Variants in NCSTN observed in about 807,000 individuals in gnomAD.
NCSTN encodes nicastrin.
Under a neutral mutation model 87.0 loss-of-function variants are expected in NCSTN, and 22 were observed. That is an observed-to-expected ratio of 0.25 (90% confidence interval 0.18 to 0.36). NCSTN has a LOEUF of 0.36. NCSTN is among the 10% of genes least tolerant of loss of function. The pLI is 1.00. For synonymous variants in NCSTN, 306 were observed against 327.1 expected (o/e 0.94, Z 0.69); for missense variants, 693 against 883.3 (o/e 0.78, Z 2.73).
chr1:160,350,123 A>G lies in NCSTN; in HGVS notation c.455A>G (p.Tyr152Cys), dbSNP rs200491593. The G allele has an allele frequency of 2.2e-5, 35 of 1,613,844 alleles. No homozygotes were observed. Among genetic ancestry groups the G allele is most frequent in the South Asian group, 5.5e-5 (5 of 91,080 alleles). The stretch of plus-strand genomic sequence containing the variant: ...CCTTCAGGTGTTTACTCCAATTCCT[A>G]TGGGCCAGAGTTTGCTCACTGCAGA... ...NDGFGVYSNSYGPEFAHCREI... is the reference protein window; with the variant it reads ...NDGFGVYSNSCGPEFAHCREI... The change falls in exon 5 of 17, where the codon TAT (tyrosine) becomes TGT (cysteine). Residue 152 changes from tyrosine (Y) to cysteine (C), a missense_variant. Around this residue, in one of 4 missense-constraint regions of NCSTN, gnomAD observed 235 missense variants for 233.9 expected, o/e 1.00. Coordinates refer to ENST00000294785, the MANE Select transcript of NCSTN (RefSeq NM_015331.3).
chr1:160,350,354 A>G, intron 5 of NCSTN, 104 bp downstream of exon 5: 2 of 1,327,880 alleles, frequency 1.5e-6, no homozygotes, highest in Non-Finnish European at 2.1e-6. Flanking sequence ...CGGGAGGCTG[A>G]GACAGGAGGA....
At chr1:160,354,392 C>A (rs964677029) in intron 11 of NCSTN, 102 bp downstream of exon 11, 5 of 1,271,090 alleles carry the variant, frequency 3.9e-6, no homozygotes, top group Non-Finnish European at 5.7e-6. Flanking sequence ...ACTACCCCCT[C>A]CAGAACTTCA....
chr1:160,351,887 A>C (rs1348494904), intron 7 of NCSTN, 82 bp downstream of exon 7: 1 of 1,480,688 alleles, frequency 6.8e-7, no homozygotes. Flanking sequence ...TCAGATTTCA[A>C]AGTTGCTAAA....
intron 5 of NCSTN, 32 bp from the exon 6 acceptor site, chr1:160,351,190 G>C (rs200767257): frequency 1.2e-6 from 2 of 1,613,662 alleles, no homozygotes; most frequent in South Asian, 2.2e-5. Context: ...CCACAAACTA[G>C]CTGTCTCAGT....
intron 10 of NCSTN, chr1:160,353,771 C>T (rs772782469): frequency 8.4e-5 from 79 of 942,604 alleles, no homozygotes; most frequent in African/African-American, 1.4e-4. Flanking sequence ...GCATTCAGCA[C>T]GCAGTTTTCT....
In NCSTN at chr1:160,358,604, C is replaced by T. The variant is rs1649250727; in HGVS notation, c.*333C>T. 2.6e-6 allele frequency: 1 copy of T among 379,750 alleles called. No individual in the cohort carries two copies. The highest frequency in any genetic ancestry group is 5.1e-6 in the Non-Finnish European group (1 of 197,528). The allele number at this position is 379,750 out of a possible 1,614,324, so 23.5% of individuals were successfully genotyped here. Reference sequence around the variant, plus strand: ...TTCAGGACCCTTCTACTTTTTCCTTCCTGCCCTGTACCTCTCTCTGCTCCT... The same window carrying T: ...TTCAGGACCCTTCTACTTTTTCCTTTCTGCCCTGTACCTCTCTCTGCTCCT... On this transcript the variant is annotated 3_prime_UTR_variant, in exon 17 of 17. Transcript: ENST00000294785.
chr1:160,357,301 T>A (rs777292540), intron 16 of NCSTN, 48 bp downstream of exon 16: 1 of 1,520,616 alleles, frequency 6.6e-7, no homozygotes, highest in Admixed American at 1.9e-5. Flanking sequence ...TTGACTTCTT[T>A]CTCTGCTTTC....
In NCSTN at chr1:160,349,123, G is replaced by GTAA. The variant is rs1180664508; in HGVS notation, c.314+2_314+4dup. On this transcript the variant is annotated splice_donor_variant, in intron 3 of 16. Coordinates refer to ENST00000294785, the MANE Select transcript of NCSTN (RefSeq NM_015331.3). LOFTEE classifies it high-confidence loss of function. ...TGCTGGAGAGCAAGCATTTTACCAG[G>GTAA]TAAGAACTAGATGTATCTGCTGGGA... The GTAA allele has an allele frequency of 3.7e-6, 6 of 1,614,000 alleles. No homozygotes were observed. Among genetic ancestry groups the GTAA allele is most frequent in the Non-Finnish European group, 5.1e-6 (6 of 1,180,010 alleles).
chr1:160,345,886 C>G (rs1648455466), intron 2 of NCSTN, among the ~76,000 whole-genome samples: 1 of 123,516 alleles, frequency 8.1e-6, no homozygotes. Flanking sequence ...TTGCAGTGAG[C>G]TGAGATTGTG....
chr1:160,351,603 C>CGTTTT, intron 6 of NCSTN, 93 bp from the exon 7 acceptor site: 1 of 1,314,104 alleles, frequency 7.6e-7, no homozygotes, highest in Admixed American at 1.7e-5. Context: ...GACTTAGAGT[C>CGTTTT]CGTGGGGCAC....
intron 13 of NCSTN, 130 bp from the exon 14 acceptor site, chr1:160,356,130 C>T (rs1649118417): frequency 7.8e-6 from 8 of 1,020,372 alleles, no homozygotes; most frequent in East Asian, 2.5e-5. Context: ...TATGAGCCAG[C>T]TACTGTCTCC....
In NCSTN at chr1:160,346,528, A is replaced by G. The variant is rs149831768; in HGVS notation, c.190+1702A>G. ...AGCTATAGTATCTGTTAATTGTCCC[A>G]TGTCCCTGCTATACAAAGCACTGGG... On this transcript the variant is annotated intron_variant, in intron 2 of 16. Coordinates refer to ENST00000294785, the MANE Select transcript of NCSTN (RefSeq NM_015331.3). 4.1e-4 allele frequency among the ~76,000 whole-genome samples: 62 copies of G among 152,070 alleles called. 1 individual carries two copies. Among genetic ancestry groups the G allele is most frequent in the African/African-American group, 1.4e-3 (60 of 41,476 alleles).
chr1:160,345,458 G>A (rs979141155), intron 2 of NCSTN, among the ~76,000 whole-genome samples: 1 of 152,046 alleles, frequency 6.6e-6, no homozygotes, highest in Admixed American at 6.5e-5. Flanking sequence ...CTCCCAAAAT[G>A]CTGGGATTAC....
In NCSTN at chr1:160,354,233, G is replaced by C. The variant is rs754828441; in HGVS notation, c.1295G>C (p.Arg432Pro). ...LPPSSLQRFL[R>P]ARNISGVVLA... is the part of the protein sequence containing the mutation. The stretch of plus-strand genomic sequence containing the variant: ...CCATCTTCCCTGCAGCGATTTCTTC[G>C]AGCTCGAAACATCTCTGGCGTTGTT... Residue 432 changes from arginine (R) to proline (P), a missense_variant, in exon 11 of 17, where the codon CGA becomes CCA. By Grantham distance (103) the Arg-to-Pro change is moderately radical. Coordinates refer to ENST00000294785, the MANE Select transcript of NCSTN (RefSeq NM_015331.3). The C allele has an allele frequency of 1.2e-6, 2 of 1,613,950 alleles. No individual in the cohort carries two copies. Among genetic ancestry groups the C allele is most frequent in the Non-Finnish European group, 1.7e-6 (2 of 1,180,032 alleles).
At chr1:160,348,331 G>A (rs1211962402) in intron 2 of NCSTN, among the ~76,000 whole-genome samples, 1 of 152,198 alleles carries the variant, frequency 6.6e-6, no homozygotes, top group African/African-American at 2.4e-5. Context: ...AGAGAAATGG[G>A]TGATATTTTC....
intron 2 of NCSTN, among the ~76,000 whole-genome samples, chr1:160,348,064 G>A (rs1330358233): frequency 1.3e-5 from 2 of 152,230 alleles, no homozygotes; most frequent in African/African-American, 4.8e-5. Context: ...TATACAGCCA[G>A]GGCTGAGAAC....
intron 3 of NCSTN, 110 bp downstream of exon 3, chr1:160,349,232 G>T: frequency 6.9e-7 from 1 of 1,446,556 alleles, no homozygotes. Context: ...GTCTGGTCAG[G>T]GGAGAGGGCA....
chr1:160,351,899 TG>T, intron 7 of NCSTN, 94 bp downstream of exon 7: 2 of 1,473,632 alleles, frequency 1.4e-6, no homozygotes, highest in Non-Finnish European at 1.9e-6. Flanking sequence ...GTTGCTAAAT[TG>T]GGAAGCCTCA....
chr1:160,344,961 G>A (rs1168443874), intron 2 of NCSTN, 135 bp downstream of exon 2: 2 of 772,258 alleles, frequency 2.6e-6, no homozygotes, highest in Admixed American at 2.0e-5. Flanking sequence ...ATAACCGTCT[G>A]TCAAGCTAGG....
Sources: allele counts gnomAD v4.1 joint callset (sites outside exome capture counted in the v4.1 genomes callset), GRCh38; gene constraint gnomAD v4.1.1; regional missense constraint gnomAD v4.1.1; transcripts MANE v1.5; gene names NCBI Gene and HGNC (gene_info 2026-07-23, HGNC 2026-07-21).